Variants in RPH3A observed in about 807,000 individuals in gnomAD.
RPH3A encodes the protein rabphilin-3A.
RPH3A carries 48 observed loss-of-function variants against 102.2 expected under a neutral mutation model. That is an observed-to-expected ratio of 0.47 (90% CI 0.37 to 0.60). The LOEUF is 0.60. RPH3A is among the 20% of genes least tolerant of loss of function. The pLI is 0.00. For synonymous variants in RPH3A, 310 were observed against 324.3 expected, an observed-to-expected ratio of 0.96 and a Z score of 0.47; for missense variants, 781 against 910.1, an observed-to-expected ratio of 0.86 and a Z score of 1.83.
upstream of RPH3A, among the ~76,000 whole-genome samples, chr12:112,787,756 G>A (rs532281606): frequency 1.3e-5 from 2 of 152,312 alleles, no homozygotes; most frequent in East Asian, 3.9e-4. Context: ...AAATGGGATT[G>A]TTGGGAGGAT....
intron 1 of RPH3A, among the ~76,000 whole-genome samples, chr12:112,768,879 TC>T (rs2040909771): frequency 6.6e-6 from 1 of 152,152 alleles, no homozygotes; most frequent in Admixed American, 6.5e-5. Flanking sequence ...TCCACTGCAC[TC>T]CAGCCTGGGT....
intron 1 of RPH3A, among the ~76,000 whole-genome samples, chr12:112,761,183 A>G (rs1028142469): frequency 6.6e-6 from 1 of 152,180 alleles, no homozygotes; most frequent in Non-Finnish European, 1.5e-5. Context: ...ATTCTGATTC[A>G]CAGAGTTCTA....
intron 1 of RPH3A, among the ~76,000 whole-genome samples, chr12:112,762,194 C>T (rs2040858850): frequency 6.6e-6 from 1 of 152,146 alleles, no homozygotes; most frequent in South Asian, 2.1e-4. Context: ...TTATAAGCTA[C>T]CTGAGGGATG....
intron 1 of RPH3A, among the ~76,000 whole-genome samples, chr12:112,645,110 G>C (rs933742634): frequency 6.6e-6 from 1 of 152,194 alleles, no homozygotes; most frequent in African/African-American, 2.4e-5. Context: ...CAAACAGAGA[G>C]ATACCGTGAG....
chr12:112,723,567 C>T (rs1451274619), intron 1 of RPH3A, among the ~76,000 whole-genome samples: 6 of 152,324 alleles, frequency 3.9e-5, no homozygotes, highest in Non-Finnish European at 7.3e-5. Context: ...GCACTTCCAA[C>T]ATCACTAATG....
intron 2 of RPH3A, among the ~76,000 whole-genome samples, chr12:112,806,376 T>C (rs978111929): frequency 6.6e-6 from 1 of 152,238 alleles, no homozygotes; most frequent in Non-Finnish European, 1.5e-5. Context: ...GGCTCACGCC[T>C]GTAATCCCAG....
At chr12:112,784,427 A>G (rs964262701) in intron 1 of RPH3A, among the ~76,000 whole-genome samples, 20 of 152,210 alleles carry the variant, frequency 1.3e-4, no homozygotes, top group African/African-American at 4.6e-4. Flanking sequence ...CAAAGACAGC[A>G]GCATCTTGAA....
At chr12:112,668,854 G>A (rs1234740712) in intron 1 of RPH3A, among the ~76,000 whole-genome samples, 2 of 152,118 alleles carry the variant, frequency 1.3e-5, no homozygotes, top group Non-Finnish European at 2.9e-5. Context: ...GAATGAATTA[G>A]CAGTGCAGCA....
At chr12:112,769,039 C>T (rs1281593791) in intron 1 of RPH3A, among the ~76,000 whole-genome samples, 1 of 152,196 alleles carries the variant, frequency 6.6e-6, no homozygotes, top group African/African-American at 2.4e-5. Context: ...CGTGTTAGCC[C>T]CATGACCACA....
chr12:112,882,404 G>A (rs2042930672), intron 15 of RPH3A, among the ~76,000 whole-genome samples: 1 of 152,104 alleles, frequency 6.6e-6, no homozygotes, highest in Admixed American at 6.5e-5. Context: ...AAGTGTGCCT[G>A]CCTGGTTTTT....
chr12:112,689,735 C>G (rs1404946875), intron 1 of RPH3A, among the ~76,000 whole-genome samples: 1 of 152,148 alleles, frequency 6.6e-6, no homozygotes, highest in African/African-American at 2.4e-5. Context: ...CTGATTTTTC[C>G]CCTGGGCCAT....
rs1566255385 is a variant in RPH3A, at chr12:112,678,318, A to AGAGAGAGAG, written c.-140+102999_-140+103000insGAGAGAGAG. Among the ~76,000 whole-genome samples the AGAGAGAGAG allele has an allele frequency of 3.3e-5, 4 of 122,454 alleles. 1 individual carries two copies. Among genetic ancestry groups the AGAGAGAGAG allele is most frequent in the Admixed American group, 7.8e-5 (1 of 12,812 alleles). 80.3% of individuals were successfully genotyped at this position (122,454 alleles called of 152,430 possible). On this transcript the variant is annotated intron_variant, in intron 1 of 21. Transcript: ENST00000543106. ...GAAAGAAAGAAAGAGAGAGAGAGAG[A>AGAGAGAGAG]AAGAAAGAAAGAAGGAAGGAAGGAA...
intron 1 of RPH3A, among the ~76,000 whole-genome samples, chr12:112,699,343 GC>G (rs1370303148): frequency 2.0e-5 from 3 of 152,332 alleles, no homozygotes; most frequent in Admixed American, 2.0e-4. Context: ...GTCTAGAGAA[GC>G]TTTATTCATA....
intron 14 of RPH3A, among the ~76,000 whole-genome samples, chr12:112,880,085 A>G (rs1204547048): frequency 6.6e-6 from 1 of 152,250 alleles, no homozygotes; most frequent in African/African-American, 2.4e-5. Context: ...TTTGAATGAT[A>G]AATGAGGTAT....
At chr12:112,732,212 G>A (rs1026528563) in intron 1 of RPH3A, among the ~76,000 whole-genome samples, 4 of 152,102 alleles carry the variant, frequency 2.6e-5, no homozygotes, top group Non-Finnish European at 4.4e-5. Context: ...CTGGGTTCTG[G>A]GGTGTCAGGC....
intron 1 of RPH3A, among the ~76,000 whole-genome samples, chr12:112,682,717 T>C (rs2040236040): frequency 6.6e-6 from 1 of 152,154 alleles, no homozygotes; most frequent in South Asian, 2.1e-4. Flanking sequence ...CACCATCACT[T>C]CCACACACAT....
chr12:112,600,661 C>G (rs1449594133), intron 1 of RPH3A, among the ~76,000 whole-genome samples: 1 of 152,130 alleles, frequency 6.6e-6, no homozygotes, highest in East Asian at 1.9e-4. Context: ...AAGTTCCAAA[C>G]TTTCCCACGT....
intron 19 of RPH3A, among the ~76,000 whole-genome samples, chr12:112,891,466 A>T (rs1251257429): frequency 6.6e-6 from 1 of 152,204 alleles, no homozygotes; most frequent in Non-Finnish European, 1.5e-5. Context: ...GGACTCTGTT[A>T]TCTGTGTTAG....
At chr12:112,833,128 G>A (rs1232392625) in intron 3 of RPH3A, among the ~76,000 whole-genome samples, 3 of 151,892 alleles carry the variant, frequency 2.0e-5, no homozygotes, top group Non-Finnish European at 2.9e-5. Context: ...TGCCCACCTC[G>A]GCCTCCCAAA....
Sources: gnomAD v4.1 joint callset for allele counts (sites outside exome capture counted in the v4.1 genomes callset) on GRCh38, gnomAD v4.1.1 for gene constraint, MANE v1.5 for transcripts, NCBI Gene and HGNC (gene_info 2026-07-23, HGNC 2026-07-21) for gene names.